NUDT4: variants seen among roughly 807,000 people sequenced by gnomAD.
NUDT4 encodes nudix hydrolase 4.
NUDT4 carries 5 observed loss-of-function variants against 23.1 expected under a neutral mutation model. The observed-to-expected ratio is 0.22, with a 90% confidence interval of 0.11 to 0.46. The LOEUF (loss-of-function observed/expected upper bound fraction) is 0.46, where lower values mean the gene tolerates loss of function less well. NUDT4 is among the 20% of genes least tolerant of loss of function. The pLI is 0.99. For missense variants in NUDT4, 96 were observed against 211.6 expected (o/e 0.45, Z 3.39); for synonymous variants, 50 against 79.0 (o/e 0.63, Z 1.95).
chr12:93,387,935 ACT>A (rs1876226489), intron 1 of NUDT4, among the ~76,000 whole-genome samples: 1 of 151,600 alleles, frequency 6.6e-6, no homozygotes, highest in South Asian at 2.1e-4. Flanking sequence ...GTTCTTGCTC[ACT>A]CTTAGTCACT....
intron 1 of NUDT4, 66 bp downstream of exon 1, chr12:93,378,487 T>C: frequency 7.0e-7 from 1 of 1,424,220 alleles, no homozygotes; most frequent in East Asian, 2.8e-5. Flanking sequence ...GTGCTTCCCC[T>C]CGCTCCCCGC....
chr12:93,378,233 C>T lies in NUDT4; in HGVS notation c.-90C>T. 3.9e-6 allele frequency: 2 copies of T among 511,294 alleles called. No homozygotes were observed. The highest frequency in any genetic ancestry group is 7.5e-5 in the East Asian group (2 of 26,714). 31.7% of individuals were successfully genotyped at this position (511,294 alleles called of 1,614,324 possible). ...CCCGGGCGCTCCTGCGCCCGACTCG[C>T]CCTCGCCCCCACTCCCCGGCGGGGT... On this transcript the variant is annotated 5_prime_UTR_variant, in exon 1 of 5. Coordinates refer to ENST00000415493, the MANE Select transcript of NUDT4 (RefSeq NM_019094.6).
chr12:93,387,546 G>A (rs183275419), intron 1 of NUDT4, among the ~76,000 whole-genome samples: 42 of 152,292 alleles, frequency 2.8e-4, no homozygotes, highest in African/African-American at 9.9e-4. Flanking sequence ...AGGTGTGGCG[G>A]TTCTTAGGAA....
At chr12:93,397,933 T>C (rs898077124) in intron 3 of NUDT4, among the ~76,000 whole-genome samples, 1 of 152,144 alleles carries the variant, frequency 6.6e-6, no homozygotes, top group African/African-American at 2.4e-5. Flanking sequence ...TTCCATGTCA[T>C]TGAAAGGTTG....
chr12:93,384,694 T>G (rs767751897), intron 1 of NUDT4, among the ~76,000 whole-genome samples: 16 of 152,214 alleles, frequency 1.1e-4, no homozygotes, highest in Non-Finnish European at 2.2e-4. Context: ...TTGCAATAGA[T>G]CATTCTAATT....
intron 3 of NUDT4, among the ~76,000 whole-genome samples, chr12:93,396,855 C>T (rs952060809): frequency 1.3e-5 from 2 of 151,956 alleles, no homozygotes; most frequent in African/African-American, 2.4e-5. Flanking sequence ...GGTTGCAGAG[C>T]GGCACTCCAT....
Position 93,394,675 on chromosome 12 carries a change from G to C in NUDT4, c.166G>C (p.Glu56Gln). 2 of 1,555,910 alleles carry C rather than the reference G, an allele frequency of 1.3e-6. No homozygotes were observed. The highest frequency in any genetic ancestry group is 1.7e-6 in the Non-Finnish European group (2 of 1,149,244). ...TGTCCCAGGAGGAGGAATGGAACCC[G>C]AGGAGGAACCTGGCGGTGCTGCCGT... ...WIVPGGGMEP[E>Q]EEPGGAAVRE... Residue 56 changes from glutamate (E) to glutamine (Q), a missense_variant, in exon 2 of 5, where the codon GAG becomes CAG. Coordinates refer to ENST00000415493, the MANE Select transcript of NUDT4 (RefSeq NM_019094.6).
At chr12:93,395,871 C>T (rs1479314098) in intron 3 of NUDT4, among the ~76,000 whole-genome samples, 3 of 152,188 alleles carry the variant, frequency 2.0e-5, no homozygotes, top group African/African-American at 7.2e-5. Flanking sequence ...CAGGCACGCG[C>T]CACCACGCCC....
At chr12:93,385,290 T>C (rs1408521037) in intron 1 of NUDT4, 2 of 152,226 alleles carry the variant, frequency 1.3e-5, no homozygotes, top group Non-Finnish European at 2.9e-5. Flanking sequence ...ATGTCTTCAC[T>C]TTTCACCACA....
intron 1 of NUDT4, among the ~76,000 whole-genome samples, chr12:93,383,454 G>A (rs1875835736): frequency 7.1e-6 from 1 of 141,640 alleles, no homozygotes; most frequent in South Asian, 2.2e-4. Flanking sequence ...GTTAAGTGTA[G>A]TAGAATTAGG....
rs938873660 is a variant in NUDT4, at chr12:93,406,465, G to C, written c.*7086G>C. ...ATAGCACCTGTGACTTTTATCTGTTGGTTTGTATTTAATCTTATTTTTAAG... is the reference window on the plus strand; with the variant it reads ...ATAGCACCTGTGACTTTTATCTGTTCGTTTGTATTTAATCTTATTTTTAAG... On this transcript the variant is annotated 3_prime_UTR_variant, in exon 5 of 5. Transcript: ENST00000415493. 6.6e-6 allele frequency: 1 copy of C among 151,858 alleles called. No individual in the cohort carries two copies. The highest frequency in any genetic ancestry group is 2.4e-5 in the African/African-American group (1 of 41,336). 9.4% of individuals were successfully genotyped at this position (151,858 alleles called of 1,614,324 possible).
At chr12:93,392,192 T>G (rs1876565360) in intron 1 of NUDT4, among the ~76,000 whole-genome samples, 1 of 151,704 alleles carries the variant, frequency 6.6e-6, no homozygotes. Context: ...TTGAGTTGAT[T>G]TTAACTTAAG....
At chr12:93,386,079 G>A (rs1219250158) in intron 1 of NUDT4, among the ~76,000 whole-genome samples, 1 of 150,970 alleles carries the variant, frequency 6.6e-6, no homozygotes, top group Non-Finnish European at 1.5e-5. Context: ...AGGCTCAGAT[G>A]ATTCTCCCAC....
chr12:93,378,562 ACTCCTTTCCTCC>A (rs1246724814), intron 1 of NUDT4, 141 bp downstream of exon 1: 1 of 1,288,858 alleles, frequency 7.8e-7, no homozygotes, highest in East Asian at 3.2e-5. Flanking sequence ...TTCCTCCCTC[ACTCCTTTCCTCC>A]CTCACTTCTT....
chr12:93,382,674 C>CTTT lies in NUDT4; in HGVS notation c.99+4271_99+4273dup, dbSNP rs11315217. On this transcript the variant is annotated intron_variant, in intron 1 of 4. Transcript: ENST00000415493. ...AAAATAAGTACTATCCAAAGGTAGCCTTTTTTTTTTTTTTTTTTTTGAGAC... is the reference window on the plus strand; with the variant it reads ...AAAATAAGTACTATCCAAAGGTAGCCTTTTTTTTTTTTTTTTTTTTTTTGAGAC... Among the ~76,000 whole-genome samples, 874 of 111,626 alleles carry CTTT rather than the reference C, an allele frequency of 7.8e-3. 45 individuals carry two copies. Among genetic ancestry groups the CTTT allele is most frequent in the African/African-American group, 0.023 (668 of 28,456 alleles). 73.2% of individuals were successfully genotyped at this position (111,626 alleles called of 152,430 possible).
Position 93,378,838 on chromosome 12 carries a change from C to A in NUDT4, c.99+417C>A, listed in dbSNP as rs1011403576. The A allele has an allele frequency of 4.1e-6, 4 of 965,454 alleles. No individual in the cohort carries two copies. In the African/African-American group the frequency reaches 7.0e-5, roughly 17 times the overall value. The allele number at this position is 965,454 out of a possible 1,614,324, so 59.8% of individuals were successfully genotyped here. On this transcript the variant is annotated intron_variant, in intron 1 of 4. Coordinates refer to ENST00000415493, the MANE Select transcript of NUDT4 (RefSeq NM_019094.6). ...TGTGCCTCTTTTACATATTTTCCTT[C>A]CATGTTACAGCCGTTTGCGGTCTCG... is the stretch of plus-strand genomic sequence containing the variant.
Position 93,403,413 on chromosome 12 carries a change from G to C in NUDT4, c.*4034G>C, listed in dbSNP as rs1877613289. ...AGCTTACTGTAACCTCCGCCTGCCAGGTTCAAGCGATTCTCCTGCCTCATC... is the reference window on the plus strand; with the variant it reads ...AGCTTACTGTAACCTCCGCCTGCCACGTTCAAGCGATTCTCCTGCCTCATC... On this transcript the variant is annotated 3_prime_UTR_variant, in exon 5 of 5. Coordinates refer to ENST00000415493, the MANE Select transcript of NUDT4 (RefSeq NM_019094.6). 1 of 152,178 alleles carries C rather than the reference G, an allele frequency of 6.6e-6. No homozygotes were observed. Among genetic ancestry groups the C allele is most frequent in the South Asian group, 2.1e-4 (1 of 4,824 alleles). 9.4% of individuals were successfully genotyped at this position (152,178 alleles called of 1,614,324 possible).
At chr12:93,385,573 G>A (rs1875996772) in intron 1 of NUDT4, among the ~76,000 whole-genome samples, 1 of 152,088 alleles carries the variant, frequency 6.6e-6, no homozygotes, top group South Asian at 2.1e-4. Flanking sequence ...TTTGTAGAAT[G>A]AGCTTTTATA....
At chr12:93,384,919 G>T (rs1279573157) in intron 1 of NUDT4, among the ~76,000 whole-genome samples, 1 of 152,138 alleles carries the variant, frequency 6.6e-6, no homozygotes, top group African/African-American at 2.4e-5. Context: ...ATCACGCCTG[G>T]CTAATTTTTG....
Sources: gnomAD v4.1 joint callset for allele counts (sites outside exome capture counted in the v4.1 genomes callset) on GRCh38, gnomAD v4.1.1 for gene constraint, MANE v1.5 for transcripts, NCBI Gene and HGNC (gene_info 2026-07-23, HGNC 2026-07-21) for gene names.